Variants in TRMT1 observed in about 807,000 individuals in gnomAD.
TRMT1 encodes the protein tRNA (guanine(26)-N(2))-dimethyltransferase.
In TRMT1, 63 loss-of-function variants were observed where a neutral mutation model predicts 75.4. The ratio of observed to expected loss-of-function variants is 0.84; its 90% CI spans 0.68 to 1.03. The LOEUF is 1.03. Ranked by LOEUF, TRMT1 falls within the 50% of genes least tolerant of loss-of-function variation. The pLI is 0.00. For synonymous variants in TRMT1, 382 were observed against 358.1 expected (o/e 1.07, Z -0.75); for missense variants, 870 against 905.3 (o/e 0.96, Z 0.50).
intron 7 of TRMT1, among the ~76,000 whole-genome samples, chr19:13,111,377 A>G (rs1227976849): frequency 1.3e-5 from 2 of 148,718 alleles, no homozygotes; most frequent in African/African-American, 4.9e-5. Context: ...CAATAGGGTC[A>G]GACCATTTTT....
chr19:13,115,235 A>C, intron 5 of TRMT1, 44 bp downstream of exon 5: 3 of 1,561,970 alleles, frequency 1.9e-6, no homozygotes, highest in Non-Finnish European at 2.6e-6. Flanking sequence ...ATTTGACCCC[A>C]GGCAGGCTTG....
At chr19:13,107,504 TTGTCTGCACACACA>T (rs2018929298) in intron 14 of TRMT1, 56 bp downstream of exon 14, 1 of 1,502,726 alleles carries the variant, frequency 6.7e-7, no homozygotes, top group Non-Finnish European at 9.1e-7. Flanking sequence ...AGCATCTGTG[TTGTCTGCACACACA>T]TGTGCTTCCA....
chr19:13,107,875 G>C lies in TRMT1; in HGVS notation c.1398-16C>G, dbSNP rs763580860. ...GAGGGCCGACCTGGGGAACAGCAGGGATTATGAGGGAGATGCCGGACTCCT... is the reference window on the plus strand; with the variant it reads ...GAGGGCCGACCTGGGGAACAGCAGGCATTATGAGGGAGATGCCGGACTCCT... On this transcript the variant is annotated splice_polypyrimidine_tract_variant and intron_variant, in intron 12 of 16. Coordinates refer to ENST00000357720, the MANE Select transcript of TRMT1 (RefSeq NM_001136035.4). 6 of 1,549,840 alleles carry C rather than the reference G, an allele frequency of 3.9e-6. No individual in the cohort carries two copies.
In TRMT1 at chr19:13,107,820, G is replaced by A; in HGVS notation, c.1437C>T (p.Ser479=). 6.4e-7 allele frequency: 1 copy of A among 1,551,958 alleles called. No homozygotes were observed. The highest frequency in any genetic ancestry group is 2.0e-5 in the Admixed American group (1 of 51,014). The part of the protein sequence containing the change: ...LLHADFRVSL[S]HACKNAVKTD... ...TCTTCACAGCGTTCTTACAGGCGTGGGAGAGTGAGACCCGGAAGTCAGCGT... is the reference window on the plus strand; with the variant it reads ...TCTTCACAGCGTTCTTACAGGCGTGAGAGAGTGAGACCCGGAAGTCAGCGT... Residue 479 remains serine, a synonymous_variant, in exon 13 of 17, where the codon TCC becomes TCT. Transcript: ENST00000357720.
intron 5 of TRMT1, among the ~76,000 whole-genome samples, chr19:13,114,701 C>A (rs980137274): frequency 6.6e-6 from 1 of 150,994 alleles, no homozygotes; most frequent in African/African-American, 2.4e-5. Flanking sequence ...ATTAGCCAGG[C>A]GTGGTGGCAC....
intron 5 of TRMT1, among the ~76,000 whole-genome samples, chr19:13,113,338 AT>A (rs2019214674): frequency 6.6e-6 from 1 of 151,880 alleles, no homozygotes; most frequent in Non-Finnish European, 1.5e-5. Flanking sequence ...TAATTTTTGT[AT>A]TTTTAGTAGA....
chr19:13,113,062 C>A, intron 5 of TRMT1, 51 bp from the exon 6 acceptor site: 1 of 1,433,616 alleles, frequency 7.0e-7, no homozygotes, highest in East Asian at 2.4e-5. Context: ...GGTACCTTCT[C>A]TGTCCCCTAC....
chr19:13,109,965 C>T lies in TRMT1; in HGVS notation c.1056G>A (p.Gly352=), dbSNP rs919112159. The T allele has an allele frequency of 2.5e-6, 4 of 1,613,766 alleles. No homozygotes were observed. The highest frequency in any genetic ancestry group is 1.1e-5 in the South Asian group (1 of 91,086). ...QALVFQCVGC[G]AFHLQRLGKA... ...TGCCGAGACGCTGAAGGTGGAAGGC[C>T]CCGCAGCCCACACACTGGAACACCA... is the stretch of plus-strand genomic sequence containing the variant. The change falls in exon 9 of 17, where the codon GGG becomes GGA. Residue 352 remains glycine, a synonymous_variant. Transcript: ENST00000357720.
In TRMT1 at chr19:13,115,727, C is replaced by T. The variant is rs760652660; in HGVS notation, c.352G>A (p.Asp118Asn). 6.2e-7 allele frequency: 1 copy of T among 1,614,100 alleles called. No homozygotes were observed. Among genetic ancestry groups the T allele is most frequent in the Non-Finnish European group, 8.5e-7 (1 of 1,180,026 alleles). Residue 118 changes from aspartate to asparagine, a missense_variant, in exon 4 of 17, where the codon GAC (aspartate) becomes AAC (asparagine). Transcript: ENST00000357720. ...GEKDTQKVVV[D>N]LSEQEEEKVE... ...TTTTCCTCCTCTTGCTCTGACAAGTCCACGACCACTTTTTGCGTGTCCTTC... is the reference window on the plus strand; with the variant it reads ...TTTTCCTCCTCTTGCTCTGACAAGTTCACGACCACTTTTTGCGTGTCCTTC...
At chr19:13,112,575 C>A in intron 7 of TRMT1, 130 bp downstream of exon 7, 1 of 788,198 alleles carries the variant, frequency 1.3e-6, no homozygotes. Flanking sequence ...CGTTAACAGC[C>A]TGGGATGCAT....
intron 7 of TRMT1, among the ~76,000 whole-genome samples, chr19:13,112,055 A>G (rs1344570490): frequency 6.8e-6 from 1 of 147,298 alleles, no homozygotes; most frequent in Admixed American, 6.8e-5. Context: ...CAGCGGAGTG[A>G]TCTTGGCTCA....
chr19:13,107,238 G>A (rs1038715284), intron 14 of TRMT1, among the ~76,000 whole-genome samples: 1 of 149,762 alleles, frequency 6.7e-6, no homozygotes, highest in African/African-American at 2.5e-5. Context: ...AGGTTCAAGC[G>A]ATTCTCCTGT....
rs2018815188 is a variant in TRMT1 at position 13,105,414 on chromosome 19, T to G, written c.1704-18A>C. On this transcript the variant is annotated intron_variant, in intron 15 of 16. Transcript: ENST00000357720. ...CCTTGCCCCTGTGCGAGGGGAGGAG[T>G]AGGTGGGACCCCATCTGCCCTTTAC... The G allele has an allele frequency of 1.2e-6, 2 of 1,612,914 alleles. No individual in the cohort carries two copies. Among genetic ancestry groups the G allele is most frequent in the South Asian group, 2.2e-5 (2 of 91,046 alleles).
Position 13,110,213 on chromosome 19 carries a change from C to T in TRMT1, c.964G>A (p.Val322Met), listed in dbSNP as rs770330849. ...PLLSISADFY[V>M]RVFVRVFTGQ... is the part of the protein sequence containing the mutation. Reference sequence around the variant, plus strand: ...GTGAAGACACGGACAAAAACACGCACGTAGAAGTCAGCGCTGATGCTGAGC... The same window carrying T: ...GTGAAGACACGGACAAAAACACGCATGTAGAAGTCAGCGCTGATGCTGAGC... The change falls in exon 8 of 17, where the codon GTG becomes ATG. Residue 322 changes from valine to methionine, a missense_variant. Val to Met is a conservative substitution (Grantham distance 21, BLOSUM62 1). Transcript: ENST00000357720. 4 of 1,612,832 alleles carry T rather than the reference C, an allele frequency of 2.5e-6. No individual in the cohort carries two copies. Among genetic ancestry groups the T allele is most frequent in the Non-Finnish European group, 3.4e-6 (4 of 1,180,030 alleles).
intron 15 of TRMT1, 35 bp from the exon 16 acceptor site, chr19:13,105,431 G>T: frequency 6.2e-7 from 1 of 1,613,684 alleles, no homozygotes; most frequent in Non-Finnish European, 8.5e-7. Context: ...GACCCCATCT[G>T]CCCTTTACCC....
intron 12 of TRMT1, among the ~76,000 whole-genome samples, chr19:13,109,030 C>T (rs984505046): frequency 2.0e-5 from 3 of 151,586 alleles, no homozygotes; most frequent in Admixed American, 6.6e-5. Context: ...ATCCTCCCAC[C>T]TCAGCCTCCT....
Position 13,112,758 on chromosome 19 carries a change from A to C in TRMT1, c.817T>G (p.Cys273Gly), listed in dbSNP as rs1318010672. The C allele has an allele frequency of 1.9e-5, 31 of 1,613,798 alleles. No individual in the cohort carries two copies. Among genetic ancestry groups the C allele is most frequent in the Non-Finnish European group, 2.6e-5 (31 of 1,179,990 alleles). Residue 273 changes from cysteine to glycine, a missense_variant, in exon 7 of 17, where the codon TGC becomes GGC. Transcript: ENST00000357720. ...GCCATGGCCCCGTACTTGCTGTAGC[A>C]CGTCTCCCCGCTGTTCCCCGCCAAC... ...AVLAGNSGET[C>G]YSKYGAMALK...
intron 1 of TRMT1, 98 bp from the exon 2 acceptor site, chr19:13,116,529 C>T (rs536097406): frequency 7.7e-6 from 10 of 1,301,728 alleles, no homozygotes; most frequent in South Asian, 1.5e-5. Context: ...ACTAGGAAAA[C>T]CTGCGGCCTC....
chr19:13,104,990 G>A lies in TRMT1; in HGVS notation c.1925C>T (p.Thr642Ile), dbSNP rs1568354152. 2 of 1,613,856 alleles carry A rather than the reference G, an allele frequency of 1.2e-6. No individual in the cohort carries two copies. Among genetic ancestry groups the A allele is most frequent in the Non-Finnish European group, 1.7e-6 (2 of 1,179,968 alleles). Reference sequence around the variant, plus strand: ...AGGTCCAGGGGGGGTCTGGTTGGAGGTCTCTGGACAGTCAGGGGCAGCATC... The same window carrying A: ...AGGTCCAGGGGGGGTCTGGTTGGAGATCTCTGGACAGTCAGGGGCAGCATC... Reference protein sequence around the residue: ...SADAAPDCPETSNQTPPGPGA... With the variant: ...SADAAPDCPEISNQTPPGPGA... The change falls in exon 17 of 17, where the codon ACC (threonine) becomes ATC (isoleucine). Residue 642 changes from threonine (T) to isoleucine (I), a missense_variant. Physicochemically the swap from Thr to Ile is moderately conservative, Grantham distance 89. Coordinates refer to ENST00000357720, the MANE Select transcript of TRMT1 (RefSeq NM_001136035.4).
Sources: gnomAD v4.1 joint callset for allele counts (sites outside exome capture counted in the v4.1 genomes callset) on GRCh38, gnomAD v4.1.1 for gene constraint, MANE v1.5 for transcripts, NCBI Gene and HGNC (gene_info 2026-07-23, HGNC 2026-07-21) for gene names.